The following LRP1B variants were observed in gnomAD, a reference collection of about 807,000 sequenced individuals.
LRP1B encodes the protein low-density lipoprotein receptor-related protein 1B.
A neutral mutation model predicts 556.6 loss-of-function variants in LRP1B; 217 were observed. The observed-to-expected ratio is 0.39, with a 90% CI of 0.35 to 0.44. LRP1B has a LOEUF of 0.44. Ranked by LOEUF, LRP1B falls within the 20% of genes least tolerant of loss-of-function variation. The pLI is 1.00. For synonymous variants in LRP1B, 2,047 were observed against 1,865.8 expected, an observed-to-expected ratio of 1.10 and a Z score of -2.50; for missense variants, 5,053 against 5,620.8, an observed-to-expected ratio of 0.90 and a Z score of 3.23.
chr2:140,698,886 A>C (rs1467528536), intron 41 of LRP1B, among the ~76,000 whole-genome samples: 2 of 152,060 alleles, frequency 1.3e-5, no homozygotes, highest in Non-Finnish European at 2.9e-5. Flanking sequence ...ACTTATGCAT[A>C]GCTTCTAAAT....
In LRP1B at chr2:140,867,982, A is replaced by C. The variant is rs992153871; in HGVS notation, c.4334+117T>G. The C allele has an allele frequency of 2.3e-6, 3 of 1,284,918 alleles. No homozygotes were observed. In the African/African-American group the frequency reaches 4.6e-5, roughly 20 times the overall value. The allele number at this position is 1,284,918 out of a possible 1,614,324, so 79.6% of individuals were successfully genotyped here. Reference sequence around the variant, plus strand: ...CTGATTTGGGGCAAGCAAAAAAAAAATACACCTCCAATTTTAATATATGTA... The same window carrying C: ...CTGATTTGGGGCAAGCAAAAAAAAACTACACCTCCAATTTTAATATATGTA... On this transcript the variant is annotated intron_variant, in intron 26 of 90. Coordinates refer to ENST00000389484, the MANE Select transcript of LRP1B (RefSeq NM_018557.3).
intron 51 of LRP1B, among the ~76,000 whole-genome samples, chr2:140,510,605 G>GATCCTAAGCACCCTCTGA (rs1175842208): frequency 6.6e-6 from 1 of 152,092 alleles, no homozygotes; most frequent in African/African-American, 2.4e-5. Context: ...GAGTCCTCTG[G>GATCCTAAGCACCCTCTGA]ATCCTAAGCA....
At chr2:141,835,124 T>C (rs10203777) in intron 1 of LRP1B, among the ~76,000 whole-genome samples, 19,307 of 152,050 alleles carry the variant, frequency 0.13, 1,258 homozygotes, top group Admixed American at 0.15. Flanking sequence ...CAAAGCAATG[T>C]ACACATTAAG....
intron 3 of LRP1B, among the ~76,000 whole-genome samples, chr2:141,467,570 C>T (rs577990919): frequency 9.2e-5 from 14 of 152,150 alleles, no homozygotes; most frequent in African/African-American, 1.4e-4. Flanking sequence ...GGCAGATAGA[C>T]GAACTGATGA....
intron 60 of LRP1B, among the ~76,000 whole-genome samples, chr2:140,467,140 T>C (rs953227537): frequency 1.3e-5 from 2 of 152,100 alleles, no homozygotes; most frequent in Non-Finnish European, 2.9e-5. Flanking sequence ...TTGAAATGCA[T>C]AAAATCAATA....
At chr2:140,730,573 G>A (rs1264336402) in intron 35 of LRP1B, among the ~76,000 whole-genome samples, 1 of 151,854 alleles carries the variant, frequency 6.6e-6, no homozygotes, top group Non-Finnish European at 1.5e-5. Context: ...GTTTTGTTTT[G>A]TTTGGAGATG....
At chr2:140,330,151 A>G (rs582189) in intron 79 of LRP1B, among the ~76,000 whole-genome samples, 80,621 of 149,120 alleles carry the variant, frequency 0.54, 22,122 homozygotes, top group African/African-American at 0.58. Context: ...AGTGAACCAG[A>G]CTAGCATCAC....
At chr2:141,143,926 C>T (rs930321385) in intron 7 of LRP1B, among the ~76,000 whole-genome samples, 1 of 151,532 alleles carries the variant, frequency 6.6e-6, no homozygotes, top group Admixed American at 6.6e-5. Flanking sequence ...GGAGTCTAAA[C>T]AGAACCAGGT....
chr2:140,319,606 C>T (rs556514097), intron 82 of LRP1B, among the ~76,000 whole-genome samples: 1 of 152,248 alleles, frequency 6.6e-6, no homozygotes, highest in African/African-American at 2.4e-5. Flanking sequence ...AAACAACACA[C>T]ACTGCGGCCT....
chr2:141,302,681 T>A (rs1686441917), intron 3 of LRP1B, among the ~76,000 whole-genome samples: 1 of 152,100 alleles, frequency 6.6e-6, no homozygotes, highest in Admixed American at 6.5e-5. Flanking sequence ...TCTTCCTTTT[T>A]CTCATGTTGA....
chr2:141,005,296 G>T (rs776587524), intron 15 of LRP1B, 39 bp downstream of exon 15: 2 of 1,598,526 alleles, frequency 1.3e-6, no homozygotes, highest in South Asian at 2.2e-5. Context: ...TTCAGAAAGA[G>T]CCCGATAAAC....
chr2:141,649,939 G>A (rs1160971229), intron 2 of LRP1B, among the ~76,000 whole-genome samples: 1 of 152,192 alleles, frequency 6.6e-6, no homozygotes, highest in Non-Finnish European at 1.5e-5. Context: ...CAGCTTTTTG[G>A]GAGGCCGAAG....
chr2:142,098,306 T>A (rs936401176), intron 1 of LRP1B, among the ~76,000 whole-genome samples: 8 of 151,792 alleles, frequency 5.3e-5, no homozygotes, highest in African/African-American at 1.9e-4. Flanking sequence ...TCTTTGTTGA[T>A]GCTTTTAAAT....
At chr2:140,972,721 T>TAGTTTGA (rs1696468684) in intron 18 of LRP1B, among the ~76,000 whole-genome samples, 1 of 151,812 alleles carries the variant, frequency 6.6e-6, no homozygotes. Flanking sequence ...GTTAAAACAA[T>TAGTTTGA]AGTTTGTCAG....
At chr2:141,911,037 T>C (rs1406359183) in intron 1 of LRP1B, among the ~76,000 whole-genome samples, 4 of 152,118 alleles carry the variant, frequency 2.6e-5, no homozygotes, top group African/African-American at 7.2e-5. Context: ...CATGCAGTTC[T>C]GTATTTATAC....
At chr2:140,650,557 C>A (rs1029673805) in intron 41 of LRP1B, among the ~76,000 whole-genome samples, 1 of 151,962 alleles carries the variant, frequency 6.6e-6, no homozygotes, top group African/African-American at 2.4e-5. Context: ...CCATGTTGGC[C>A]AGGTTGGTCT....
chr2:141,536,634 A>T (rs533663545), intron 2 of LRP1B, among the ~76,000 whole-genome samples: 1 of 152,184 alleles, frequency 6.6e-6, no homozygotes, highest in African/African-American at 2.4e-5. Context: ...TTTTCTAAAT[A>T]AATTGCAAAG....
chr2:141,058,078 G>A (rs776956081), intron 9 of LRP1B, among the ~76,000 whole-genome samples: 21 of 151,870 alleles, frequency 1.4e-4, no homozygotes, highest in East Asian at 5.9e-4. Context: ...TCTATTCACA[G>A]TATACATAGA....
In LRP1B at chr2:140,565,444, G is replaced by C. The variant is rs565562735; in HGVS notation, c.7195-23473C>G. Among the ~76,000 whole-genome samples the C allele has an allele frequency of 3.3e-5, 5 of 152,042 alleles. No individual in the cohort carries two copies. The South Asian group carries it at 1.0e-3, about 32-fold the overall frequency. ...TATATTAATATTCTCAACAAAAATTGAAATGGTGCCAATTTACCAGATCCC... is the reference window on the plus strand; with the variant it reads ...TATATTAATATTCTCAACAAAAATTCAAATGGTGCCAATTTACCAGATCCC... On this transcript the variant is annotated intron_variant, in intron 43 of 90. Coordinates refer to ENST00000389484, the MANE Select transcript of LRP1B (RefSeq NM_018557.3).
Sources: allele counts gnomAD v4.1 joint callset (sites outside exome capture counted in the v4.1 genomes callset), GRCh38; gene constraint gnomAD v4.1.1; transcripts MANE v1.5; gene names NCBI Gene and HGNC (gene_info 2026-07-23, HGNC 2026-07-21).